Variants in AGBL4 observed in about 807,000 individuals in gnomAD.
AGBL4 encodes cytosolic carboxypeptidase 6.
Under a neutral mutation model 66.4 loss-of-function variants are expected in AGBL4, and 58 were observed. The observed-to-expected ratio is 0.87, with a 90% CI of 0.71 to 1.09. The LOEUF (loss-of-function observed/expected upper bound fraction) is 1.09. Among genes scored for constraint, AGBL4 ranks in the 50% least tolerant of loss-of-function variants. AGBL4 has a pLI of 0.00. For missense variants in AGBL4, 579 were observed against 631.0 expected (o/e 0.92, Z 0.88); for synonymous variants, 234 against 222.9 (o/e 1.05, Z -0.44).
chr1:48,751,685 C>T (rs1470024251), intron 6 of AGBL4, among the ~76,000 whole-genome samples: 2 of 152,162 alleles, frequency 1.3e-5, no homozygotes, highest in Non-Finnish European at 2.9e-5. Flanking sequence ...ATATGGAAGG[C>T]AAAACCCTGC....
At chr1:49,162,247 G>A (rs1646554556) in intron 4 of AGBL4, among the ~76,000 whole-genome samples, 1 of 152,090 alleles carries the variant, frequency 6.6e-6, no homozygotes, top group Non-Finnish European at 1.5e-5. Flanking sequence ...TGATGATGAT[G>A]TTCTGTCTTA....
At chr1:49,104,604 C>A (rs1645260088) in intron 4 of AGBL4, among the ~76,000 whole-genome samples, 1 of 152,100 alleles carries the variant, frequency 6.6e-6, no homozygotes, top group Non-Finnish European at 1.5e-5. Flanking sequence ...CTTGGCAGAT[C>A]TGGGATTCTA....
At chr1:48,806,183 T>G (rs1645919464) in intron 6 of AGBL4, among the ~76,000 whole-genome samples, 1 of 152,218 alleles carries the variant, frequency 6.6e-6, no homozygotes, top group Non-Finnish European at 1.5e-5. Flanking sequence ...ATTTACTACA[T>G]GCCTTTCTTC....
chr1:49,978,023 T>G (rs1658722439), intron 1 of AGBL4, among the ~76,000 whole-genome samples: 1 of 152,240 alleles, frequency 6.6e-6, no homozygotes, highest in African/African-American at 2.4e-5. Context: ...ATTCTGATTT[T>G]CAACGTGCCT....
chr1:49,554,237 A>G lies in AGBL4; in HGVS notation c.282+143076T>C, dbSNP rs182053353. ...TCCATGGTCTTTCTAATTCATCACA[A>G]TACTCCAACAGTGCTATGCAGAGAA... On this transcript the variant is annotated intron_variant, in intron 3 of 13. Coordinates refer to ENST00000371839, the MANE Select transcript of AGBL4 (RefSeq NM_032785.4). Among the ~76,000 whole-genome samples the G allele has an allele frequency of 1.4e-4, 21 of 152,258 alleles. No homozygotes were observed. In the South Asian group the frequency reaches 2.7e-3, roughly 20 times the overall value.
At position 49,750,710 on chromosome 1, in the gene AGBL4, C is replaced by A. The variant is rs558439490; in HGVS notation, c.158-53273G>T. Among the ~76,000 whole-genome samples, 7 of 152,266 alleles carry A rather than the reference C, an allele frequency of 4.6e-5. No homozygotes were observed. In the East Asian group the frequency reaches 1.2e-3, roughly 25 times the overall value. ...GGCCATTTTCACAATATTGATTCTT[C>A]CTATCCATGAGCATGGAATGTTTTT... is the stretch of plus-strand genomic sequence containing the variant. On this transcript the variant is annotated intron_variant, in intron 2 of 13. Transcript: ENST00000371839.
chr1:49,648,657 A>C (rs1645940201), intron 3 of AGBL4, among the ~76,000 whole-genome samples: 1 of 152,066 alleles, frequency 6.6e-6, no homozygotes, highest in East Asian at 1.9e-4. Flanking sequence ...AAAAATAAGA[A>C]TTACAACCAA....
At chr1:48,961,202 T>C (rs1657951206) in intron 5 of AGBL4, among the ~76,000 whole-genome samples, 1 of 151,814 alleles carries the variant, frequency 6.6e-6, no homozygotes, top group African/African-American at 2.4e-5. Flanking sequence ...GTAAGAGAAA[T>C]TGGTAGTAAA....
chr1:49,497,380 A>G (rs897029075), intron 3 of AGBL4, among the ~76,000 whole-genome samples: 1 of 151,796 alleles, frequency 6.6e-6, no homozygotes, highest in Admixed American at 6.6e-5. Flanking sequence ...ACGTAATTAC[A>G]TTTGTTTATT....
intron 6 of AGBL4, among the ~76,000 whole-genome samples, chr1:48,858,125 A>G (rs989579117): frequency 1.3e-5 from 2 of 152,198 alleles, no homozygotes; most frequent in African/African-American, 4.8e-5. Context: ...TAAAGCCACA[A>G]TGAGATACCA....
intron 4 of AGBL4, among the ~76,000 whole-genome samples, chr1:49,071,132 CTT>C (rs760494920): frequency 1.3e-5 from 2 of 151,790 alleles, no homozygotes; most frequent in African/African-American, 2.4e-5. Flanking sequence ...ATTATTCTCT[CTT>C]TTCTTCTTTA....
At chr1:49,920,550 C>G (rs996650417) in intron 1 of AGBL4, among the ~76,000 whole-genome samples, 3 of 152,152 alleles carry the variant, frequency 2.0e-5, no homozygotes, top group Non-Finnish European at 2.9e-5. Context: ...GATACCATCT[C>G]ACACCAGTTA....
At chr1:49,881,884 T>G (rs1038764775) in intron 1 of AGBL4, among the ~76,000 whole-genome samples, 7 of 152,008 alleles carry the variant, frequency 4.6e-5, no homozygotes, top group African/African-American at 1.4e-4. Flanking sequence ...AGAAGCTCTT[T>G]AGTTTAATTA....
Position 49,887,136 on chromosome 1 carries a change from GAT to G in AGBL4, c.35-35620_35-35619del, listed in dbSNP as rs138358272. Among the ~76,000 whole-genome samples, 83 of 108,352 alleles carry G rather than the reference GAT, an allele frequency of 7.7e-4. 1 individual carries two copies. Among genetic ancestry groups the G allele is most frequent in the African/African-American group, 1.6e-3 (59 of 37,362 alleles). 71.1% of individuals were successfully genotyped at this position (108,352 alleles called of 152,430 possible). On this transcript the variant is annotated intron_variant, in intron 1 of 13. Coordinates refer to ENST00000371839, the MANE Select transcript of AGBL4 (RefSeq NM_032785.4). ...TGTAATAAAGTGCTTTACATTTTGT[GAT>G]ATATATATATATATACATTGTGTGT...
At chr1:49,625,496 A>T (rs1380276219) in intron 3 of AGBL4, among the ~76,000 whole-genome samples, 1 of 152,184 alleles carries the variant, frequency 6.6e-6, no homozygotes, top group African/African-American at 2.4e-5. Flanking sequence ...AAAGTAAAGC[A>T]GTTGTTAGCA....
intron 3 of AGBL4, among the ~76,000 whole-genome samples, chr1:49,309,611 CGT>C (rs139245607): frequency 6.7e-5 from 10 of 148,680 alleles, no homozygotes; most frequent in Non-Finnish European, 1.0e-4. Context: ...ATTATAACAT[CGT>C]GTGTGTGTGT....
chr1:49,299,262 T>C (rs1644700600), intron 3 of AGBL4, among the ~76,000 whole-genome samples: 1 of 152,166 alleles, frequency 6.6e-6, no homozygotes, highest in African/African-American at 2.4e-5. Context: ...GGATCTTACT[T>C]TCCCCCCTGT....
intron 4 of AGBL4, among the ~76,000 whole-genome samples, chr1:49,072,178 G>A (rs1644619539): frequency 6.6e-6 from 1 of 152,116 alleles, no homozygotes; most frequent in South Asian, 2.1e-4. Flanking sequence ...GCATACCAAT[G>A]GGTCTTGACT....
At chr1:48,992,143 A>G (rs1660648391) in intron 5 of AGBL4, among the ~76,000 whole-genome samples, 1 of 152,120 alleles carries the variant, frequency 6.6e-6, no homozygotes, top group Non-Finnish European at 1.5e-5. Flanking sequence ...GAAGGCTTTC[A>G]AAAGTATTCA....
Sources: allele counts gnomAD v4.1 joint callset (sites outside exome capture counted in the v4.1 genomes callset), GRCh38; gene constraint gnomAD v4.1.1; transcripts MANE v1.5; gene names NCBI Gene and HGNC (gene_info 2026-07-23, HGNC 2026-07-21).